Variants in SOX5 observed in about 807,000 individuals in gnomAD.
SOX5 encodes SRY-box transcription factor 5.
Under a neutral mutation model 92.0 loss-of-function variants are expected in SOX5, and 9 were observed. That is an observed-to-expected ratio of 0.10 (90% confidence interval 0.06 to 0.17). SOX5 has a LOEUF of 0.17. SOX5 is among the 10% of genes least tolerant of loss of function. SOX5 has a pLI of 1.00. For synonymous variants in SOX5, 344 were observed against 336.3 expected, an observed-to-expected ratio of 1.02 and a Z score of -0.25; for missense variants, 642 against 944.5, an observed-to-expected ratio of 0.68 and a Z score of 4.20.
At chr12:24,048,361 G>A (rs533691623) in intron 4 of SOX5, among the ~76,000 whole-genome samples, 13 of 152,046 alleles carry the variant, frequency 8.6e-5, no homozygotes, top group East Asian at 3.9e-4. Context: ...TCAGAATTCC[G>A]CATGTCTCAA....
chr12:24,269,168 G>A (rs1347147420), intron 3 of SOX5, among the ~76,000 whole-genome samples: 2 of 152,132 alleles, frequency 1.3e-5, no homozygotes, highest in African/African-American at 4.8e-5. Flanking sequence ...AGATTAGGGT[G>A]ACTGAGGGAA....
chr12:23,827,778 G>A lies in SOX5; in HGVS notation c.481+18205C>T, dbSNP rs2096255516. 3.3e-5 allele frequency among the ~76,000 whole-genome samples: 5 copies of A among 152,178 alleles called. No individual in the cohort carries two copies. In the South Asian group the frequency reaches 1.0e-3, roughly 31 times the overall value. Reference sequence around the variant, plus strand: ...GATGGAAAGAAAGGGATAAAAAGCAGAAAAGCAATAGCTTTTTTTTGTTTT... The same window carrying A: ...GATGGAAAGAAAGGGATAAAAAGCAAAAAAGCAATAGCTTTTTTTTGTTTT... On this transcript the variant is annotated intron_variant, in intron 3 of 14. Coordinates refer to ENST00000451604, the MANE Select transcript of SOX5 (RefSeq NM_006940.6).
chr12:23,846,262 T>C, intron 2 of SOX5, 69 bp from the exon 3 acceptor site: 1 of 1,238,234 alleles, frequency 8.1e-7, no homozygotes, highest in Non-Finnish European at 1.2e-6. Context: ...AAATAATTGT[T>C]TACCTGAAAG....
At chr12:23,629,217 A>G (rs1450378191) in intron 8 of SOX5, among the ~76,000 whole-genome samples, 1 of 152,106 alleles carries the variant, frequency 6.6e-6, no homozygotes. Flanking sequence ...CATTGTTACC[A>G]ATATGCAAAT....
intron 7 of SOX5, among the ~76,000 whole-genome samples, chr12:23,643,993 C>T (rs1306046304): frequency 6.6e-6 from 1 of 152,162 alleles, no homozygotes; most frequent in Non-Finnish European, 1.5e-5. Context: ...TCCAATGACT[C>T]CCACTCCCTG....
chr12:24,546,255 C>T (rs1357234030), intron 1 of SOX5, among the ~76,000 whole-genome samples: 1 of 152,146 alleles, frequency 6.6e-6, no homozygotes, highest in Non-Finnish European at 1.5e-5. Context: ...ATTAATACAT[C>T]ACTGAATATG....
intron 4 of SOX5, among the ~76,000 whole-genome samples, chr12:24,145,389 G>C (rs1950977129): frequency 6.6e-6 from 1 of 152,038 alleles, no homozygotes; most frequent in African/African-American, 2.4e-5. Context: ...TTAATAAACA[G>C]AATGAATTTT....
chr12:24,280,010 C>A (rs538377492), intron 2 of SOX5, among the ~76,000 whole-genome samples: 1 of 152,190 alleles, frequency 6.6e-6, no homozygotes, highest in South Asian at 2.1e-4. Context: ...TCCAACCTAC[C>A]CATTAAATCA....
chr12:24,058,782 C>T (rs1017925390), intron 4 of SOX5, among the ~76,000 whole-genome samples: 6 of 146,300 alleles, frequency 4.1e-5, no homozygotes, highest in African/African-American at 1.5e-4. Context: ...CTGTAATAAG[C>T]CTGTTAGTAA....
intron 2 of SOX5, among the ~76,000 whole-genome samples, chr12:24,283,477 G>C (rs1049024088): frequency 1.3e-5 from 2 of 152,170 alleles, no homozygotes; most frequent in African/African-American, 4.8e-5. Context: ...ATGACCCCTT[G>C]GGGGAGGCCA....
At chr12:23,575,504 T>G (rs1389136003) in intron 10 of SOX5, among the ~76,000 whole-genome samples, 157 bp downstream of exon 10, 1 of 152,206 alleles carries the variant, frequency 6.6e-6, no homozygotes, top group South Asian at 2.1e-4. Flanking sequence ...AGAAATTTCA[T>G]TTACATGTTT....
intron 3 of SOX5, among the ~76,000 whole-genome samples, chr12:24,271,714 C>T (rs1337531995): frequency 6.6e-6 from 1 of 152,066 alleles, no homozygotes; most frequent in Non-Finnish European, 1.5e-5. Context: ...TCTCAGTATC[C>T]ACGTATTAAA....
At chr12:23,996,179 C>T (rs1368815017) in intron 4 of SOX5, among the ~76,000 whole-genome samples, 2 of 152,068 alleles carry the variant, frequency 1.3e-5, no homozygotes, top group Non-Finnish European at 2.9e-5. Context: ...ATTCCAGAGA[C>T]CTGAAATCTA....
chr12:23,746,829 G>A (rs530969526), intron 4 of SOX5, among the ~76,000 whole-genome samples: 2 of 152,206 alleles, frequency 1.3e-5, no homozygotes, highest in East Asian at 3.9e-4. Flanking sequence ...ATGTGCTGTG[G>A]GTGGGAGCCG....
intron 1 of SOX5, among the ~76,000 whole-genome samples, chr12:24,385,982 T>TAAAAAAAAAAAAAA (rs1958372771): frequency 6.7e-6 from 1 of 148,606 alleles, no homozygotes; most frequent in Non-Finnish European, 1.5e-5. Context: ...AAAATAAATT[T>TAAAAAAAAAAAAAA]AAAAGATCAA....
chr12:23,564,066 G>A, intron 10 of SOX5, among the ~76,000 whole-genome samples: 1 of 152,050 alleles, frequency 6.6e-6, no homozygotes, highest in East Asian at 1.9e-4. Context: ...AAGAAATTGT[G>A]GCTACTCTTG....
chr12:24,380,743 AAGGAGGGCAC>A (rs901440288), intron 1 of SOX5, among the ~76,000 whole-genome samples: 5 of 152,288 alleles, frequency 3.3e-5, no homozygotes, highest in African/African-American at 1.2e-4. Context: ...ATTTTTTTTA[AAGGAGGGCAC>A]AATGCATAAG....
chr12:24,161,187 A>G (rs1355827025), intron 4 of SOX5, among the ~76,000 whole-genome samples: 1 of 152,138 alleles, frequency 6.6e-6, no homozygotes, highest in African/African-American at 2.4e-5. Context: ...GGCCTTTTCC[A>G]GAGGGTCTTA....
intron 1 of SOX5, among the ~76,000 whole-genome samples, chr12:24,415,229 A>C (rs1368139339): frequency 1.3e-5 from 2 of 152,250 alleles, no homozygotes; most frequent in African/African-American, 4.8e-5. Flanking sequence ...AGGTGAACAC[A>C]ACAAATCCCT....
Sources: allele counts gnomAD v4.1 joint callset (sites outside exome capture counted in the v4.1 genomes callset), GRCh38; gene constraint gnomAD v4.1.1; transcripts MANE v1.5; gene names NCBI Gene and HGNC (gene_info 2026-07-23, HGNC 2026-07-21).